The following PRR16 variants were observed in gnomAD, a reference collection of about 807,000 sequenced individuals.
PRR16 encodes the protein proline rich 16.
Under a neutral mutation model 18.2 loss-of-function variants are expected in PRR16, and 6 were observed. The observed-to-expected ratio is 0.33, with a 90% CI of 0.18 to 0.65. PRR16 has a LOEUF of 0.65. Ranked by LOEUF, PRR16 falls within the 30% of genes least tolerant of loss-of-function variation. The pLI, the probability that PRR16 is intolerant of heterozygous loss-of-function variation, is 0.74. For synonymous variants in PRR16, 151 were observed against 147.8 expected (o/e 1.02, Z -0.16); for missense variants, 412 against 376.6 (o/e 1.09, Z -0.78).
the PRR16 span, among the ~76,000 whole-genome samples, chr5:120,749,227 A>G: frequency 6.8e-6 from 1 of 146,930 alleles, no homozygotes; most frequent in East Asian, 1.9e-4. Context: ...ATTTTATATC[A>G]TCATCATAAA....
chr5:120,640,481 C>G (rs1272670294), intron 1 of PRR16, among the ~76,000 whole-genome samples: 1 of 151,998 alleles, frequency 6.6e-6, no homozygotes, highest in African/African-American at 2.4e-5. Context: ...TAATATAATG[C>G]CCCCCATAAT....
At position 120,633,764 on chromosome 5, in the gene PRR16, A is replaced by T. The variant is rs577590096; in HGVS notation, c.160-52190A>T. Among the ~76,000 whole-genome samples the T allele has an allele frequency of 4.8e-3, 672 of 139,298 alleles. 15 individuals are homozygous for T. The highest frequency in any genetic ancestry group is 0.016 in the African/African-American group (630 of 38,468). The allele number at this position is 139,298 out of a possible 152,430, so 91.4% of individuals were successfully genotyped here. A position where few individuals can be genotyped will look rare whatever the true frequency, so the allele number is the denominator to read the frequency against. On this transcript the variant is annotated intron_variant, in intron 1 of 1. Transcript: ENST00000407149. ...CCTAAGAAATGAGATAGACAGCAAC[A>T]CAATAATAGTGGAGGACCAAATTTG...
At chr5:120,477,124 C>T (rs918869890) in intron 1 of PRR16, among the ~76,000 whole-genome samples, 11 of 151,974 alleles carry the variant, frequency 7.2e-5, no homozygotes, top group African/African-American at 2.7e-4. Flanking sequence ...AATTTTTATT[C>T]TTTAAAAAAA....
chr5:120,569,148 G>T (rs116741169), intron 1 of PRR16, among the ~76,000 whole-genome samples: 2,385 of 152,100 alleles, frequency 0.016, 31 homozygotes, highest in Non-Finnish European at 0.022. Flanking sequence ...CATTTTGTCA[G>T]ATGTGCCAAG....
chr5:120,488,025 TC>T (rs1175093898), intron 1 of PRR16, among the ~76,000 whole-genome samples: 3 of 152,224 alleles, frequency 2.0e-5, no homozygotes, highest in Admixed American at 2.0e-4. Context: ...ATAAGCTTTT[TC>T]ATGTGCTACT....
chr5:120,680,325 C>A (rs2150153372), intron 1 of PRR16, among the ~76,000 whole-genome samples: 1 of 152,168 alleles, frequency 6.6e-6, no homozygotes, highest in South Asian at 2.1e-4. Context: ...CTGAATATAT[C>A]TTTTTATTAT....
intron 1 of PRR16, among the ~76,000 whole-genome samples, chr5:120,659,662 G>A (rs1756107569): frequency 6.6e-6 from 1 of 151,852 alleles, no homozygotes; most frequent in African/African-American, 2.4e-5. Flanking sequence ...TTCATCTTCT[G>A]GGTTGGTAAA....
chr5:120,491,053 G>C (rs1316926313), intron 1 of PRR16, among the ~76,000 whole-genome samples: 1 of 152,210 alleles, frequency 6.6e-6, no homozygotes. Context: ...TGAGGTATCA[G>C]TCTGCCCCTA....
At chr5:120,640,326 T>C (rs1326502505) in intron 1 of PRR16, among the ~76,000 whole-genome samples, 4 of 152,040 alleles carry the variant, frequency 2.6e-5, no homozygotes, top group Non-Finnish European at 5.9e-5. Context: ...CTCATGGTCA[T>C]TTTAAGTTAT....
chr5:120,587,125 C>T (rs1455938457), intron 1 of PRR16, among the ~76,000 whole-genome samples: 1 of 152,046 alleles, frequency 6.6e-6, no homozygotes. Flanking sequence ...TCTGTGAAGG[C>T]TGAGAAACTT....
the PRR16 span, among the ~76,000 whole-genome samples, chr5:120,702,731 G>A: frequency 6.6e-6 from 1 of 152,190 alleles, no homozygotes; most frequent in Non-Finnish European, 1.5e-5. Flanking sequence ...TAAGAGAAGG[G>A]AGAGGTTGAA....
At position 120,608,871 on chromosome 5, in the gene PRR16, G is replaced by A. The variant is rs548530893; in HGVS notation, c.160-77083G>A. Among the ~76,000 whole-genome samples, 5 of 152,128 alleles carry A rather than the reference G, an allele frequency of 3.3e-5. No individual in the cohort carries two copies. In the South Asian group the frequency reaches 1.0e-3, roughly 32 times the overall value. ...GTGGATTTCTGGAATATAAACTGAGGTCTTCATTTCCTTTATACTTCGGTC... is the reference window on the plus strand; with the variant it reads ...GTGGATTTCTGGAATATAAACTGAGATCTTCATTTCCTTTATACTTCGGTC... On this transcript the variant is annotated intron_variant, in intron 1 of 1. Transcript: ENST00000407149.
At chr5:120,720,992 A>T in the PRR16 span, among the ~76,000 whole-genome samples, 1 of 152,040 alleles carries the variant, frequency 6.6e-6, no homozygotes, top group Admixed American at 6.6e-5. Flanking sequence ...TCATTTCATC[A>T]TTTATCTCAC....
At chr5:120,569,213 T>C (rs62376402) in intron 1 of PRR16, among the ~76,000 whole-genome samples, 69,560 of 152,098 alleles carry the variant, frequency 0.46, 16,435 homozygotes, top group Middle Eastern at 0.55. Flanking sequence ...CTGTATCGTC[T>C]GTAAGTATTA....
the PRR16 span, among the ~76,000 whole-genome samples, chr5:120,726,401 A>T: frequency 1.3e-5 from 2 of 151,984 alleles, no homozygotes; most frequent in Non-Finnish European, 2.9e-5. Context: ...GGAGACAGTA[A>T]CGTCTGCACA....
At chr5:120,728,563 G>A in the PRR16 span, among the ~76,000 whole-genome samples, 3 of 152,004 alleles carry the variant, frequency 2.0e-5, no homozygotes, top group Non-Finnish European at 2.9e-5. Flanking sequence ...AATATAAGGG[G>A]GTGATTAGGA....
downstream of PRR16, among the ~76,000 whole-genome samples, chr5:120,688,869 T>C (rs1002732997): frequency 2.0e-5 from 3 of 152,170 alleles, no homozygotes; most frequent in African/African-American, 7.2e-5. Context: ...TGAGTAAGGA[T>C]ATTGAGCCAG....
chr5:120,656,435 TAGAA>T (rs1228940817), intron 1 of PRR16, among the ~76,000 whole-genome samples: 4 of 70,480 alleles, frequency 5.7e-5, no homozygotes, highest in Non-Finnish European at 1.1e-4. Context: ...CCAAAGAAAA[TAGAA>T]AGCCATTCTA....
the PRR16 span, among the ~76,000 whole-genome samples, chr5:120,773,313 G>A: frequency 6.6e-6 from 1 of 152,084 alleles, no homozygotes; most frequent in Non-Finnish European, 1.5e-5. Context: ...TGGCAGCTCT[G>A]GTCTGCAAAG....
Sources: allele counts gnomAD v4.1 joint callset (sites outside exome capture counted in the v4.1 genomes callset), GRCh38; gene constraint gnomAD v4.1.1; transcripts MANE v1.5; gene names NCBI Gene and HGNC (gene_info 2026-07-23, HGNC 2026-07-21).